The following CPED1 variants were observed in gnomAD, a reference collection of about 807,000 sequenced individuals.
The protein encoded by CPED1 is cadherin-like and PC-esterase domain-containing protein 1.
Under a neutral mutation model 128.2 loss-of-function variants are expected in CPED1, and 114 were observed. That is an observed-to-expected ratio of 0.89 (90% CI 0.76 to 1.04). The LOEUF (loss-of-function observed/expected upper bound fraction) is 1.04, where lower values mean the gene tolerates loss of function less well. Among genes scored for constraint, CPED1 ranks in the 50% least tolerant of loss-of-function variants. The probability of loss-of-function intolerance (pLI) is 0.00; values close to 1 mark genes in which losing one functional copy is unlikely to be tolerated. For missense variants in CPED1, 1,211 were observed against 1,207.1 expected (o/e 1.00, Z -0.05); for synonymous variants, 462 against 426.7 (o/e 1.08, Z -1.02).
At position 121,098,743 on chromosome 7, in the gene CPED1, TAA is replaced by T. The variant is rs59572121; in HGVS notation, c.749+916_749+917del. Among the ~76,000 whole-genome samples, 538 of 125,402 alleles carry T rather than the reference TAA, an allele frequency of 4.3e-3. 21 individuals carry two copies. Among genetic ancestry groups the T allele is most frequent in the East Asian group, 0.033 (162 of 4,864 alleles). The allele number at this position is 125,402 out of a possible 152,430, so 82.3% of individuals were successfully genotyped here. A position where few individuals can be genotyped will look rare whatever the true frequency, so the allele number is the denominator to read the frequency against. On this transcript the variant is annotated intron_variant, in intron 6 of 22. Transcript: ENST00000310396. ...AGACCTTGTCTCAAATATATATATA[TAA>T]AAATATATAAAAATATATATAAATA...
chr7:121,177,220 T>A (rs1796802894), intron 16 of CPED1, among the ~76,000 whole-genome samples: 1 of 152,048 alleles, frequency 6.6e-6, no homozygotes, highest in African/African-American at 2.4e-5. Context: ...TCCTTTCCTG[T>A]CTCTGTCACT....
rs116106110 is a variant in CPED1 at position 121,077,463 on chromosome 7, T to C, written c.616+13150T>C. Among the ~76,000 whole-genome samples the C allele has an allele frequency of 2.8e-3, 433 of 152,224 alleles. 2 individuals carry two copies. The highest frequency in any genetic ancestry group is 9.7e-3 in the African/African-American group (403 of 41,570). ...AAAAAATGAATTTAGTGAAATTACA[T>C]ACCTTTCCCATTCATGTGCAATTTT... On this transcript the variant is annotated intron_variant, in intron 5 of 22. Coordinates refer to ENST00000310396, the MANE Select transcript of CPED1 (RefSeq NM_024913.5).
intron 18 of CPED1, among the ~76,000 whole-genome samples, chr7:121,249,514 G>GTA (rs1330335198): frequency 1.3e-5 from 2 of 152,138 alleles, no homozygotes; most frequent in African/African-American, 4.8e-5. Context: ...GAGATTAGGG[G>GTA]CCTATTTCTA....
At chr7:121,053,171 C>T (rs914414602) in intron 4 of CPED1, among the ~76,000 whole-genome samples, 5 of 152,052 alleles carry the variant, frequency 3.3e-5, no homozygotes, top group Middle Eastern at 3.2e-3. Context: ...AATATGGATA[C>T]GAACGGTTAA....
chr7:121,180,259 A>G (rs981584221), intron 16 of CPED1, among the ~76,000 whole-genome samples: 1 of 152,080 alleles, frequency 6.6e-6, no homozygotes, highest in African/African-American at 2.4e-5. Flanking sequence ...CAGGAGAGAC[A>G]AGTGTTTTCA....
rs545039724 is a variant in CPED1, at chr7:121,218,761, C to T, written c.2056-17953C>T. ...TAGGAGAAATACCTAATGTAGATGA[C>T]GGGTTGATGGCTGCAGCAAACCACC... On this transcript the variant is annotated intron_variant, in intron 16 of 22. Transcript: ENST00000310396. 1.2e-4 allele frequency among the ~76,000 whole-genome samples: 18 copies of T among 152,056 alleles called. No individual in the cohort carries two copies. In the East Asian group the frequency reaches 2.1e-3, roughly 18 times the overall value.
intron 16 of CPED1, among the ~76,000 whole-genome samples, chr7:121,231,604 TG>T (rs1290477060): frequency 1.3e-5 from 2 of 152,082 alleles, no homozygotes; most frequent in Non-Finnish European, 2.9e-5. Context: ...CTGACAGGTA[TG>T]TAGAACGTTG....
At chr7:121,250,028 G>A (rs1462641133) in intron 18 of CPED1, among the ~76,000 whole-genome samples, 2 of 152,128 alleles carry the variant, frequency 1.3e-5, no homozygotes, top group East Asian at 1.9e-4. Context: ...ATTCTTTTCA[G>A]CACCACACCA....
intron 2 of CPED1, among the ~76,000 whole-genome samples, chr7:120,995,872 CTCT>C (rs374861407): frequency 0.017 from 2,532 of 151,172 alleles, 59 homozygotes; most frequent in African/African-American, 0.05. Flanking sequence ...ATTCTTCTTC[CTCT>C]TCTTCTTCTT....
At chr7:121,110,411 G>A (rs377372596) in intron 7 of CPED1, among the ~76,000 whole-genome samples, 1 of 152,136 alleles carries the variant, frequency 6.6e-6, no homozygotes, top group Admixed American at 6.6e-5. Flanking sequence ...GAACAGGATG[G>A]ATGTTGACTA....
chr7:121,036,505 A>AT (rs1176031261), intron 3 of CPED1, among the ~76,000 whole-genome samples: 123 of 135,498 alleles, frequency 9.1e-4, no homozygotes, highest in African/African-American at 3.5e-3. Flanking sequence ...ATATATATAT[A>AT]TATTTTTTTT....
At chr7:121,178,539 A>C (rs2116490761) in intron 16 of CPED1, among the ~76,000 whole-genome samples, 1 of 152,184 alleles carries the variant, frequency 6.6e-6, no homozygotes, top group East Asian at 1.9e-4. Context: ...AAACGTGGAC[A>C]AAAAAGTTGT....
chr7:121,131,914 T>C (rs1239088096), intron 12 of CPED1, among the ~76,000 whole-genome samples: 2 of 151,796 alleles, frequency 1.3e-5, no homozygotes, highest in African/African-American at 4.8e-5. Flanking sequence ...TACTTTCCTT[T>C]CCATGTTTCT....
chr7:121,009,011 C>T (rs1792095861), intron 2 of CPED1, among the ~76,000 whole-genome samples: 1 of 152,136 alleles, frequency 6.6e-6, no homozygotes, highest in Non-Finnish European at 1.5e-5. Flanking sequence ...TTGCTGAGAT[C>T]TCCCTCAGGT....
intron 15 of CPED1, 131 bp downstream of exon 15, chr7:121,141,144 C>G (rs907958131): frequency 3.3e-6 from 2 of 606,712 alleles, no homozygotes; most frequent in African/African-American, 3.9e-5. Flanking sequence ...GTGAACTTTC[C>G]CCTTCTCATT....
At chr7:120,990,464 T>C (rs1384023512) in intron 2 of CPED1, among the ~76,000 whole-genome samples, 1 of 152,192 alleles carries the variant, frequency 6.6e-6, no homozygotes, top group Non-Finnish European at 1.5e-5. Context: ...AAATACAGAT[T>C]ATTCTATATT....
chr7:121,142,624 A>G (rs561383785), intron 16 of CPED1, among the ~76,000 whole-genome samples: 5 of 152,142 alleles, frequency 3.3e-5, no homozygotes, highest in Non-Finnish European at 7.4e-5. Flanking sequence ...CACTTCTCAT[A>G]CAGTAATCAT....
chr7:121,094,660 G>A (rs1035512560), intron 5 of CPED1, among the ~76,000 whole-genome samples: 1 of 152,100 alleles, frequency 6.6e-6, no homozygotes, highest in Non-Finnish European at 1.5e-5. Context: ...GATTTTAGAA[G>A]GCTTCCTAAC....
intron 14 of CPED1, among the ~76,000 whole-genome samples, chr7:121,136,315 C>T (rs1394382460): frequency 1.3e-5 from 2 of 151,946 alleles, no homozygotes; most frequent in Non-Finnish European, 1.5e-5. Flanking sequence ...CTTCCAAACC[C>T]ACTTTGAAGG....
Sources: allele counts gnomAD v4.1 joint callset (sites outside exome capture counted in the v4.1 genomes callset), GRCh38; gene constraint gnomAD v4.1.1; transcripts MANE v1.5; gene names NCBI Gene and HGNC (gene_info 2026-07-23, HGNC 2026-07-21).